Variants in RYR2 observed in about 807,000 individuals in gnomAD.
RYR2 encodes the protein cardiac muscle ryanodine receptor-calcium release channel.
RYR2 carries 227 observed loss-of-function variants against 601.1 expected under a neutral mutation model. The observed-to-expected ratio is 0.38, with a 90% CI of 0.34 to 0.42. The LOEUF is 0.42. RYR2 is among the 10% of genes least tolerant of loss of function. The pLI is 1.00. For missense variants in RYR2, 4,646 were observed against 6,156.5 expected, an observed-to-expected ratio of 0.75 and a Z score of 8.21; for synonymous variants, 2,223 against 2,175.1, an observed-to-expected ratio of 1.02 and a Z score of -0.61.
intron 1 of RYR2, among the ~76,000 whole-genome samples, chr1:237,068,713 T>C (rs1197252051): frequency 6.6e-6 from 1 of 152,218 alleles, no homozygotes; most frequent in Non-Finnish European, 1.5e-5. Context: ...GAAGCAAATA[T>C]GTAAATTAAT....
intron 10 of RYR2, among the ~76,000 whole-genome samples, chr1:237,391,310 A>G (rs1043393140): frequency 1.3e-5 from 2 of 152,146 alleles, no homozygotes; most frequent in Non-Finnish European, 2.9e-5. Context: ...TTTTTCATTC[A>G]TTAAACAAAG....
chr1:237,094,818 C>T (rs1237891631), intron 1 of RYR2, among the ~76,000 whole-genome samples: 1 of 152,156 alleles, frequency 6.6e-6, no homozygotes, highest in African/African-American at 2.4e-5. Flanking sequence ...GTCTCAATCT[C>T]CTGACCTCGT....
intron 1 of RYR2, among the ~76,000 whole-genome samples, chr1:237,192,702 G>A (rs934574756): frequency 1.3e-5 from 2 of 152,056 alleles, no homozygotes; most frequent in South Asian, 2.1e-4. Context: ...GAAGGTAGAG[G>A]GCATTTATTT....
In RYR2 at chr1:237,649,942, A is replaced by G. The variant is rs763555863; in HGVS notation, c.7578A>G (p.Pro2526=). 1.9e-6 allele frequency: 3 copies of G among 1,613,678 alleles called. No individual in the cohort carries two copies. The highest frequency in any genetic ancestry group is 4.5e-5 in the East Asian group (2 of 44,852). Residue 2526 remains proline (P), a synonymous_variant, in exon 50 of 105, where the codon CCA becomes CCG. Coordinates refer to ENST00000366574, the MANE Select transcript of RYR2 (RefSeq NM_001035.3). ...GGTACCTTTGCACAGCCGTCTTGCC[A>G]TTGTTAACAAGATGTGCTCCTCTCT... The part of the protein sequence containing the change: ...LNRYLCTAVL[P]LLTRCAPLFA...
chr1:237,553,947 A>T (rs191789939), intron 27 of RYR2, among the ~76,000 whole-genome samples: 1 of 152,030 alleles, frequency 6.6e-6, no homozygotes, highest in East Asian at 1.9e-4. Context: ...ATACATAATC[A>T]TGAGGTCTGC....
rs1413576683 is a variant in RYR2, at chr1:237,495,038, C to T, written c.1962-1473C>T. ...ACTCCTGACCTTGTGATCCGCCCGC[C>T]TTAGCCTCCCAAAGTGCTGGGATTA... On this transcript the variant is annotated intron_variant, in intron 19 of 104. Transcript: ENST00000366574. Among the ~76,000 whole-genome samples, 5 of 152,160 alleles carry T rather than the reference C, an allele frequency of 3.3e-5. No individual in the cohort carries two copies. The East Asian group carries it at 9.6e-4, about 29-fold the overall frequency.
intron 60 of RYR2, among the ~76,000 whole-genome samples, chr1:237,676,472 T>A (rs1293611622): frequency 6.6e-6 from 1 of 152,120 alleles, no homozygotes; most frequent in African/African-American, 2.4e-5. Context: ...TAGGCTACAA[T>A]GACAGAGCCC....
intron 30 of RYR2, among the ~76,000 whole-genome samples, chr1:237,590,256 A>G (rs1473763801): frequency 1.3e-5 from 2 of 150,522 alleles, no homozygotes; most frequent in African/African-American, 2.5e-5. Context: ...AGCTCAGACT[A>G]TGTCTGGGGT....
At chr1:237,445,267 A>G (rs1708230136) in intron 13 of RYR2, 134 bp from the exon 14 acceptor site, 3 of 1,014,598 alleles carry the variant, frequency 3.0e-6, no homozygotes. Context: ...TGAACGTAAC[A>G]GCTTCACAGT....
chr1:237,289,616 A>G (rs1464328997), intron 2 of RYR2, among the ~76,000 whole-genome samples: 1 of 151,672 alleles, frequency 6.6e-6, no homozygotes, highest in Admixed American at 6.6e-5. Flanking sequence ...CATCACCATG[A>G]TTCAATTACC....
intron 24 of RYR2, among the ~76,000 whole-genome samples, chr1:237,520,685 C>T (rs1666999965): frequency 6.6e-6 from 1 of 152,130 alleles, no homozygotes; most frequent in African/African-American, 2.4e-5. Flanking sequence ...CAGCCTCCCT[C>T]CCAAGACTGA....
At chr1:237,127,152 A>C (rs1298198413) in intron 1 of RYR2, among the ~76,000 whole-genome samples, 1 of 152,122 alleles carries the variant, frequency 6.6e-6, no homozygotes, top group African/African-American at 2.4e-5. Flanking sequence ...TTCTTAGTAC[A>C]GAACAAAATG....
chr1:237,193,718 G>A (rs576086681), intron 1 of RYR2, among the ~76,000 whole-genome samples: 4 of 152,116 alleles, frequency 2.6e-5, no homozygotes, highest in African/African-American at 9.7e-5. Flanking sequence ...AAAAACTCTG[G>A]AAACGAGTTG....
chr1:237,536,454 C>G (rs1220969956), intron 25 of RYR2, among the ~76,000 whole-genome samples: 2 of 152,024 alleles, frequency 1.3e-5, no homozygotes, highest in East Asian at 3.9e-4. Flanking sequence ...GTGGCTCACG[C>G]CTGTAACCCC....
intron 2 of RYR2, among the ~76,000 whole-genome samples, chr1:237,323,576 T>G (rs1695849890): frequency 6.6e-6 from 1 of 152,172 alleles, no homozygotes; most frequent in African/African-American, 2.4e-5. Context: ...CTACTTAATA[T>G]TAAAGGATGT....
At chr1:237,747,913 T>C (rs1428420064) in intron 80 of RYR2, among the ~76,000 whole-genome samples, 1 of 152,172 alleles carries the variant, frequency 6.6e-6, no homozygotes, top group Non-Finnish European at 1.5e-5. Flanking sequence ...GAGTTGCTTT[T>C]CATGCTATTG....
At chr1:237,722,713 G>A (rs556414254) in intron 73 of RYR2, among the ~76,000 whole-genome samples, 4 of 152,158 alleles carry the variant, frequency 2.6e-5, no homozygotes, top group Admixed American at 6.5e-5. Context: ...GATTACAGGC[G>A]TGAGCCACCG....
At chr1:237,545,025 C>T (rs1669652421) in intron 25 of RYR2, among the ~76,000 whole-genome samples, 1 of 152,218 alleles carries the variant, frequency 6.6e-6, no homozygotes, top group East Asian at 1.9e-4. Context: ...TTTAAAAAAA[C>T]AATTCTAAGC....
chr1:237,455,773 G>A (rs1046887619), intron 15 of RYR2, among the ~76,000 whole-genome samples: 1 of 152,016 alleles, frequency 6.6e-6, no homozygotes, highest in South Asian at 2.1e-4. Flanking sequence ...CGGCACGAAA[G>A]CAAAAAAGTA....
Sources: gnomAD v4.1 joint callset for allele counts (sites outside exome capture counted in the v4.1 genomes callset) on GRCh38, gnomAD v4.1.1 for gene constraint, MANE v1.5 for transcripts, NCBI Gene and HGNC (gene_info 2026-07-23, HGNC 2026-07-21) for gene names.